Variants in TTBK2 observed in about 807,000 individuals in gnomAD.
TTBK2 encodes the protein tau-tubulin kinase 2.
Under a neutral mutation model 110.8 loss-of-function variants are expected in TTBK2, and 28 were observed. The ratio of observed to expected loss-of-function variants is 0.25; its 90% CI spans 0.19 to 0.35. The LOEUF (loss-of-function observed/expected upper bound fraction) is 0.35. Ranked by LOEUF, TTBK2 falls within the 10% of genes least tolerant of loss-of-function variation. The probability of loss-of-function intolerance (pLI) is 1.00; values close to 1 mark genes in which losing one functional copy is unlikely to be tolerated. For synonymous variants in TTBK2, 532 were observed against 527.3 expected, an observed-to-expected ratio of 1.01 and a Z score of -0.12; for missense variants, 1,369 against 1,500.3, an observed-to-expected ratio of 0.91 and a Z score of 1.45.
At chr15:42,834,316 A>T (rs546692056) in intron 4 of TTBK2, among the ~76,000 whole-genome samples, 47 of 152,310 alleles carry the variant, frequency 3.1e-4, no homozygotes, top group African/African-American at 1.0e-3. Flanking sequence ...CTCATTTTTT[A>T]AAATGTATTT....
At chr15:42,839,432 T>C (rs962224078) in intron 4 of TTBK2, among the ~76,000 whole-genome samples, 1 of 152,208 alleles carries the variant, frequency 6.6e-6, no homozygotes, top group South Asian at 2.1e-4. Context: ...GTCTTTCTGG[T>C]AGAATGATTT....
At chr15:42,767,336 G>T (rs1032901098) in intron 13 of TTBK2, among the ~76,000 whole-genome samples, 19 of 151,996 alleles carry the variant, frequency 1.3e-4, no homozygotes, top group African/African-American at 4.3e-4. Flanking sequence ...CTGGTTTTTT[G>T]ATAAGATCAA....
At position 42,755,962 on chromosome 15, in the gene TTBK2, G is replaced by A. The variant is rs539502124; in HGVS notation, c.1999-2715C>T. 1.7e-3 allele frequency among the ~76,000 whole-genome samples: 258 copies of A among 152,284 alleles called. 2 individuals carry two copies. Among genetic ancestry groups the A allele is most frequent in the Non-Finnish European group, 2.8e-3 (190 of 68,024 alleles). ...TATAATCCCAGCGCTCTGGGGGGCC[G>A]AGGCAGGCTGATCTCCTGAGGTCAG... is the stretch of plus-strand genomic sequence containing the variant. On this transcript the variant is annotated intron_variant, in intron 13 of 14. Coordinates refer to ENST00000267890, the MANE Select transcript of TTBK2 (RefSeq NM_173500.4).
chr15:42,907,507 T>G (rs569551021), intron 1 of TTBK2, among the ~76,000 whole-genome samples: 7 of 152,212 alleles, frequency 4.6e-5, no homozygotes, highest in African/African-American at 1.7e-4. Flanking sequence ...ATGCTGTTAT[T>G]TGCAGTAACA....
At chr15:42,855,544 T>C (rs1383213291) in intron 3 of TTBK2, among the ~76,000 whole-genome samples, 2 of 152,124 alleles carry the variant, frequency 1.3e-5, no homozygotes. Context: ...TGGTGAAAGA[T>C]ACGAAATTTA....
rs1222879190 is a variant in TTBK2 at position 42,881,689 on chromosome 15, T to C, written c.-67-3005A>G. Among the ~76,000 whole-genome samples the C allele has an allele frequency of 2.0e-5, 3 of 151,926 alleles. No individual in the cohort carries two copies. The East Asian group carries it at 5.8e-4, about 29-fold the overall frequency. On this transcript the variant is annotated intron_variant, in intron 1 of 14. Transcript: ENST00000267890. ...GAGTTCGAGACCAGCCTGGCCAACA[T>C]GGTGAAACCCCATCTCTACTAAAAA...
At chr15:42,756,458 T>C (rs1595880963) in intron 13 of TTBK2, among the ~76,000 whole-genome samples, 1 of 151,204 alleles carries the variant, frequency 6.6e-6, no homozygotes, top group Non-Finnish European at 1.5e-5. Flanking sequence ...TGATGGCGGG[T>C]GCCTGTAATA....
intron 3 of TTBK2, among the ~76,000 whole-genome samples, chr15:42,864,603 A>G (rs1033163689): frequency 6.6e-6 from 1 of 152,134 alleles, no homozygotes; most frequent in Admixed American, 6.6e-5. Context: ...AGAAAAAAAA[A>G]GTGTTCAGAG....
chr15:42,779,473 A>G (rs988442430), intron 11 of TTBK2, among the ~76,000 whole-genome samples: 25 of 152,096 alleles, frequency 1.6e-4, no homozygotes, highest in African/African-American at 4.6e-4. Flanking sequence ...GGCATAAACT[A>G]TCTTGAAAGA....
intron 9 of TTBK2, chr15:42,801,612 C>T (rs199505559): frequency 3.1e-5 from 25 of 797,382 alleles, no homozygotes; most frequent in Non-Finnish European, 4.3e-5. Flanking sequence ...GCAATCTCCT[C>T]GTACTGCACC....
chr15:42,905,092 G>C (rs947170507), intron 1 of TTBK2, among the ~76,000 whole-genome samples: 1 of 151,640 alleles, frequency 6.6e-6, no homozygotes, highest in African/African-American at 2.4e-5. Flanking sequence ...GGCTGGTCTA[G>C]AACTCCTGGA....
intron 1 of TTBK2, among the ~76,000 whole-genome samples, chr15:42,905,878 C>T (rs1405134103): frequency 6.6e-6 from 1 of 152,116 alleles, no homozygotes; most frequent in Non-Finnish European, 1.5e-5. Context: ...ATCACAGTGC[C>T]TAGTATACTG....
At chr15:42,807,982 A>G (rs1891545169) in intron 9 of TTBK2, among the ~76,000 whole-genome samples, 1 of 152,234 alleles carries the variant, frequency 6.6e-6, no homozygotes, top group African/African-American at 2.4e-5. Flanking sequence ...TGCCAGGTGT[A>G]ATATGGGGTT....
intron 1 of TTBK2, among the ~76,000 whole-genome samples, chr15:42,903,243 T>C (rs148028047): frequency 1.3e-5 from 2 of 152,172 alleles, no homozygotes; most frequent in African/African-American, 2.4e-5. Flanking sequence ...AGACAGAAAG[T>C]AGAATGATGG....
At chr15:42,801,911 T>G (rs761083204) in intron 9 of TTBK2, 4 of 1,564,874 alleles carry the variant, frequency 2.6e-6, no homozygotes, top group Non-Finnish European at 3.5e-6. Flanking sequence ...AGCCCATGCA[T>G]GTTGCCAAGC....
Position 42,875,703 on chromosome 15 carries a change from T to A in TTBK2, c.69+2846A>T, listed in dbSNP as rs1894790536. On this transcript the variant is annotated intron_variant, in intron 2 of 14. Transcript: ENST00000267890. The stretch of plus-strand genomic sequence containing the variant: ...AGGTGAATCACCTGAGGTCGGGAGT[T>A]CCAGACCAGACTGGCCAACATGGCA... Among the ~76,000 whole-genome samples the A allele has an allele frequency of 5.3e-5, 8 of 151,820 alleles. No homozygotes were observed. In the South Asian group the frequency reaches 1.7e-3, roughly 32 times the overall value.
chr15:42,861,768 C>A (rs1015962550), intron 3 of TTBK2, among the ~76,000 whole-genome samples: 1 of 151,762 alleles, frequency 6.6e-6, no homozygotes, highest in African/African-American at 2.4e-5. Flanking sequence ...AAAATTGAGA[C>A]ACAAAAATCC....
chr15:42,802,975 T>C (rs1452567930), intron 9 of TTBK2, among the ~76,000 whole-genome samples: 1 of 152,184 alleles, frequency 6.6e-6, no homozygotes, highest in African/African-American at 2.4e-5. Context: ...ATGCTTCCTG[T>C]CCTCCAACAT....
At chr15:42,902,951 C>T (rs1472033951) in intron 1 of TTBK2, among the ~76,000 whole-genome samples, 1 of 149,220 alleles carries the variant, frequency 6.7e-6, no homozygotes, top group African/African-American at 2.5e-5. Context: ...CGCCATTGCA[C>T]TCCAGCCTGG....
Sources: allele counts gnomAD v4.1 joint callset (sites outside exome capture counted in the v4.1 genomes callset), GRCh38; gene constraint gnomAD v4.1.1; transcripts MANE v1.5; gene names NCBI Gene and HGNC (gene_info 2026-07-23, HGNC 2026-07-21).